Variants in ERG observed in about 807,000 individuals in gnomAD.
The protein encoded by ERG is transcriptional regulator ERG.
A neutral mutation model predicts 55.3 loss-of-function variants in ERG; 9 were observed. The ratio of observed to expected loss-of-function variants is 0.16; its 90% CI spans 0.10 to 0.28. The LOEUF is 0.28. Ranked by LOEUF, ERG falls within the 10% of genes least tolerant of loss-of-function variation. The pLI, the probability that ERG is intolerant of heterozygous loss-of-function variation, is 1.00. For synonymous variants in ERG, 223 were observed against 237.3 expected, an observed-to-expected ratio of 0.94 and a Z score of 0.55; for missense variants, 434 against 631.6, an observed-to-expected ratio of 0.69 and a Z score of 3.35.
rs751742250 is a variant in ERG, at chr21:38,391,078, T to C, written c.872-36A>G. The C allele has an allele frequency of 1.2e-5, 19 of 1,558,190 alleles. No individual in the cohort carries two copies. The East Asian group carries it at 2.2e-4, about 18-fold the overall frequency. On this transcript the variant is annotated intron_variant, in intron 8 of 9. Transcript: ENST00000288319. ...AAGAAACAAAGTCAAATCCTAGACATAGTTGTAACATAGTATGATGTGACT... is the reference window on the plus strand; with the variant it reads ...AAGAAACAAAGTCAAATCCTAGACACAGTTGTAACATAGTATGATGTGACT...
At chr21:38,576,994 T>C (rs1327403588) in intron 1 of ERG, among the ~76,000 whole-genome samples, 4 of 152,238 alleles carry the variant, frequency 2.6e-5, no homozygotes, top group South Asian at 2.1e-4. Context: ...AAATGCCTTT[T>C]TTAGTTTACA....
At chr21:38,465,541 TA>T in intron 1 of ERG, among the ~76,000 whole-genome samples, 1 of 152,142 alleles carries the variant, frequency 6.6e-6, no homozygotes, top group Non-Finnish European at 1.5e-5. Flanking sequence ...AACGCTAATG[TA>T]AACTACAGGC....
At chr21:38,455,205 T>A (rs1485559461) in intron 1 of ERG, among the ~76,000 whole-genome samples, 1 of 151,894 alleles carries the variant, frequency 6.6e-6, no homozygotes, top group African/African-American at 2.4e-5. Flanking sequence ...TTCCAGGATG[T>A]GGAATCCATA....
rs534496744 is a variant in ERG, at chr21:38,485,652, G to A, written c.18+12711C>T. Among the ~76,000 whole-genome samples, 330 of 151,550 alleles carry A rather than the reference G, an allele frequency of 2.2e-3. 2 individuals are homozygous for A. The highest frequency in any genetic ancestry group is 7.6e-3 in the African/African-American group (312 of 41,230). On this transcript the variant is annotated intron_variant, in intron 1 of 9. Transcript: ENST00000288319. The stretch of plus-strand genomic sequence containing the variant: ...TTTTTGTATTTTTAGTAGAGATGGG[G>A]TTTCACTATGTTGGCCAGGATGGTC...
chr21:38,576,132 T>C (rs1006430881), intron 1 of ERG, among the ~76,000 whole-genome samples: 2 of 150,830 alleles, frequency 1.3e-5, no homozygotes, highest in Admixed American at 1.3e-4. Context: ...AACAGGACTT[T>C]GAAATCCCAC....
At chr21:38,599,453 C>G (rs2060151263) in intron 1 of ERG, among the ~76,000 whole-genome samples, 1 of 152,196 alleles carries the variant, frequency 6.6e-6, no homozygotes, top group African/African-American at 2.4e-5. Flanking sequence ...CTTTGCTTCA[C>G]AGAGGGGAAT....
intron 1 of ERG, among the ~76,000 whole-genome samples, chr21:38,473,159 C>CAAAAAA (rs33994175): frequency 8.5e-5 from 9 of 106,014 alleles, no homozygotes; most frequent in African/African-American, 3.2e-4. Context: ...AGGATGCGCT[C>CAAAAAA]AAAAAAAAAA....
At chr21:38,487,066 A>C (rs923295653) in intron 1 of ERG, among the ~76,000 whole-genome samples, 2 of 151,732 alleles carry the variant, frequency 1.3e-5, no homozygotes, top group African/African-American at 4.8e-5. Flanking sequence ...TGGGTTCTTA[A>C]GAAGGAAAAT....
At chr21:38,645,508 A>G (rs1490647863) in intron 1 of ERG, among the ~76,000 whole-genome samples, 2 of 152,242 alleles carry the variant, frequency 1.3e-5, no homozygotes, top group Non-Finnish European at 2.9e-5. Flanking sequence ...AAGAATTCAC[A>G]GACTTCAGAT....
chr21:38,601,327 C>G (rs1301443909), intron 1 of ERG, among the ~76,000 whole-genome samples: 1 of 151,958 alleles, frequency 6.6e-6, no homozygotes, highest in Non-Finnish European at 1.5e-5. Flanking sequence ...TTTTACAAAA[C>G]CTAAAGAAAA....
At chr21:38,593,149 C>T (rs143694794) in intron 1 of ERG, among the ~76,000 whole-genome samples, 17 of 152,340 alleles carry the variant, frequency 1.1e-4, no homozygotes, top group African/African-American at 3.1e-4. Context: ...GAACAAAACA[C>T]ACAGCAGCAA....
intron 2 of ERG, among the ~76,000 whole-genome samples, chr21:38,439,954 G>C (rs971858681): frequency 2.6e-5 from 4 of 152,202 alleles, no homozygotes; most frequent in Admixed American, 1.3e-4. Context: ...TTCCCAAGCT[G>C]GGTATTCTAG....
intron 1 of ERG, among the ~76,000 whole-genome samples, chr21:38,485,025 A>G (rs1194973618): frequency 6.6e-6 from 1 of 152,120 alleles, no homozygotes; most frequent in African/African-American, 2.4e-5. Context: ...AAAAAAAGTT[A>G]ATTGTAAAAC....
chr21:38,623,032 C>A (rs949622309), intron 1 of ERG, among the ~76,000 whole-genome samples: 3 of 144,538 alleles, frequency 2.1e-5, no homozygotes, highest in African/African-American at 7.7e-5. Context: ...ACACACACCA[C>A]ATACACACAA....
chr21:38,501,057 A>C (rs2059416955), upstream of ERG, among the ~76,000 whole-genome samples: 1 of 146,390 alleles, frequency 6.8e-6, no homozygotes, highest in Admixed American at 6.9e-5. Flanking sequence ...AGGACAAGGC[A>C]CATCTTTTTT....
chr21:38,382,378 G>A lies in ERG; in HGVS notation c.*1025C>T. On this transcript the variant is annotated 3_prime_UTR_variant, in exon 10 of 10. Coordinates refer to ENST00000288319, the MANE Select transcript of ERG (RefSeq NM_182918.4). Reference sequence around the variant, plus strand: ...AGAAGGCCATCTCTTACCTGACCCTGTGGAGAACAAAGCCCCCACATAATG... The same window carrying A: ...AGAAGGCCATCTCTTACCTGACCCTATGGAGAACAAAGCCCCCACATAATG... The A allele has an allele frequency of 2.8e-6, 3 of 1,060,334 alleles. No homozygotes were observed. Among genetic ancestry groups the A allele is most frequent in the Non-Finnish European group, 3.4e-6 (3 of 875,858 alleles). The allele number at this position is 1,060,334 out of a possible 1,614,324, so 65.7% of individuals were successfully genotyped here. A position where few individuals can be genotyped will look rare whatever the true frequency, so the allele number is the denominator to read the frequency against.
chr21:38,443,416 T>G (rs1029113740), intron 2 of ERG, among the ~76,000 whole-genome samples: 3 of 152,152 alleles, frequency 2.0e-5, no homozygotes, highest in Admixed American at 6.5e-5. Flanking sequence ...AAGAAAAGCT[T>G]TAGAAATGTG....
chr21:38,612,074 G>A (rs1179290137), intron 1 of ERG, among the ~76,000 whole-genome samples: 1 of 152,082 alleles, frequency 6.6e-6, no homozygotes, highest in Non-Finnish European at 1.5e-5. Flanking sequence ...GGAAGAATGC[G>A]GGTGACATTC....
intron 2 of ERG, among the ~76,000 whole-genome samples, chr21:38,526,730 A>G (rs1215039803): frequency 2.0e-5 from 3 of 152,176 alleles, no homozygotes; most frequent in Non-Finnish European, 2.9e-5. Context: ...TCTTTGTACT[A>G]ACTCTATTTA....
Sources: allele counts gnomAD v4.1 joint callset (sites outside exome capture counted in the v4.1 genomes callset), GRCh38; gene constraint gnomAD v4.1.1; transcripts MANE v1.5; gene names NCBI Gene and HGNC (gene_info 2026-07-23, HGNC 2026-07-21).